VAT1L: variants seen among roughly 807,000 people sequenced by gnomAD.
VAT1L encodes the protein putative NADPH-dependent quinone oxidoreductase VAT1L.
In VAT1L, 34 loss-of-function variants were observed where a neutral mutation model predicts 44.1. The observed-to-expected ratio is 0.77, with a 90% CI of 0.59 to 1.03. The LOEUF is 1.03. Ranked by LOEUF, VAT1L falls within the 50% of genes least tolerant of loss-of-function variation. The pLI is 0.00. For synonymous variants in VAT1L, 253 were observed against 202.2 expected (o/e 1.25, Z -2.13); for missense variants, 615 against 538.8 (o/e 1.14, Z -1.40).
intron 7 of VAT1L, among the ~76,000 whole-genome samples, chr16:77,949,067 G>T (rs1219574239): frequency 6.6e-6 from 1 of 152,216 alleles, no homozygotes; most frequent in African/African-American, 2.4e-5. Context: ...AATCATGACT[G>T]TGGCAGCAGG....
chr16:77,977,130 T>A (rs2018349778), intron 8 of VAT1L, among the ~76,000 whole-genome samples: 1 of 152,126 alleles, frequency 6.6e-6, no homozygotes, highest in South Asian at 2.1e-4. Flanking sequence ...TGCTTGAGTT[T>A]TGCACAGAAA....
At chr16:77,941,625 A>C (rs1222600030) in intron 7 of VAT1L, among the ~76,000 whole-genome samples, 3 of 151,968 alleles carry the variant, frequency 2.0e-5, no homozygotes, top group Non-Finnish European at 4.4e-5. Context: ...TGCTCTTGTC[A>C]CCCAGGCTGG....
intron 1 of VAT1L, among the ~76,000 whole-genome samples, chr16:77,809,763 G>A (rs1383761861): frequency 3.3e-5 from 5 of 152,196 alleles, no homozygotes; most frequent in Admixed American, 2.6e-4. Context: ...TGACTTCAAG[G>A]TGTCTTGGAA....
At chr16:77,827,469 A>C (rs1219767969) in intron 3 of VAT1L, among the ~76,000 whole-genome samples, 1 of 152,268 alleles carries the variant, frequency 6.6e-6, no homozygotes, top group Non-Finnish European at 1.5e-5. Context: ...GAAAATAAAA[A>C]GAAGTTTTTA....
intron 7 of VAT1L, among the ~76,000 whole-genome samples, chr16:77,944,414 A>C (rs1196765460): frequency 6.6e-6 from 1 of 152,228 alleles, no homozygotes. Flanking sequence ...TGTTAAAGCA[A>C]TAAATGACCG....
intron 7 of VAT1L, among the ~76,000 whole-genome samples, chr16:77,913,515 A>AC (rs72268015): frequency 1.3e-5 from 2 of 150,208 alleles, no homozygotes; most frequent in African/African-American, 2.5e-5. Context: ...TGATACAGAG[A>AC]CCCCCCTCCC....
intron 7 of VAT1L, among the ~76,000 whole-genome samples, chr16:77,921,275 C>T (rs748040717): frequency 3.9e-5 from 6 of 152,194 alleles, no homozygotes; most frequent in Non-Finnish European, 7.3e-5. Flanking sequence ...TCTGACTCCT[C>T]ATGGAATTGC....
intron 3 of VAT1L, among the ~76,000 whole-genome samples, chr16:77,836,964 C>T (rs1172317994): frequency 6.6e-6 from 1 of 152,184 alleles, no homozygotes; most frequent in Non-Finnish European, 1.5e-5. Context: ...GATACTATCG[C>T]ACCTCATTTT....
intron 5 of VAT1L, among the ~76,000 whole-genome samples, chr16:77,877,945 G>A (rs1459107456): frequency 6.6e-6 from 1 of 152,208 alleles, no homozygotes; most frequent in Non-Finnish European, 1.5e-5. Flanking sequence ...ACGTTGCAAG[G>A]ATATCGGATA....
chr16:77,909,212 G>A (rs2017472573), intron 7 of VAT1L, among the ~76,000 whole-genome samples: 2 of 152,190 alleles, frequency 1.3e-5, no homozygotes, highest in African/African-American at 4.8e-5. Context: ...AAGTCACACA[G>A]TAAGACATGA....
In VAT1L at chr16:77,788,770, G is replaced by A. The variant is rs1259426717; in HGVS notation, c.88G>A (p.Gly30Ser). ...CAAGGAGCCGGCGGAGGGCGGCGGC[G>A]GCGACGGCTCGCACCGCCTCGGGGA... ...AGKEPAEGGG[G>S]DGSHRLGDAQ... Residue 30 changes from glycine (G) to serine (S), a missense_variant, in exon 1 of 9, where the codon GGC (glycine) becomes AGC (serine). Transcript: ENST00000302536. 5.8e-6 allele frequency: 9 copies of A among 1,563,390 alleles called. No individual in the cohort carries two copies. In the Admixed American group the frequency reaches 1.2e-4, roughly 20 times the overall value.
intron 1 of VAT1L, 152 bp downstream of exon 1, chr16:77,789,067 C>G (rs2145198646): frequency 2.0e-6 from 2 of 977,740 alleles, no homozygotes; most frequent in Non-Finnish European, 2.9e-6. Flanking sequence ...CTCCCCGGGC[C>G]AAAGCTGGGG....
At position 77,884,995 on chromosome 16, in the gene VAT1L, G is replaced by C. The variant is rs950030645; in HGVS notation, c.1077+193G>C. Reference sequence around the variant, plus strand: ...AATACTTTAAGCTCTTTGGTGATTTGCAAACCACGTGCCTCATCACACCAT... The same window carrying C: ...AATACTTTAAGCTCTTTGGTGATTTCCAAACCACGTGCCTCATCACACCAT... On this transcript the variant is annotated intron_variant, in intron 7 of 8. Transcript: ENST00000302536. The surrounding 1 kb of genome is among the most constrained non-coding windows in gnomAD (Gnocchi z 4.5). 6.6e-6 allele frequency among the ~76,000 whole-genome samples: 1 copy of C among 152,196 alleles called. No individual in the cohort carries two copies. Among genetic ancestry groups the C allele is most frequent in the Non-Finnish European group, 1.5e-5 (1 of 68,046 alleles).
intron 1 of VAT1L, among the ~76,000 whole-genome samples, chr16:77,790,277 C>A (rs2966073): frequency 0.92 from 139,314 of 152,212 alleles, 63,797 homozygotes; most frequent in East Asian, 0.99. Flanking sequence ...TGGGGAATTC[C>A]GGGTAAGGGA....
rs369912701 is a variant in VAT1L at position 77,876,485 on chromosome 16, A to G, written c.826+12A>G. 12 of 1,612,374 alleles carry G rather than the reference A, an allele frequency of 7.4e-6. No individual in the cohort carries two copies. The African/African-American group carries it at 1.6e-4, about 22-fold the overall frequency. On this transcript the variant is annotated intron_variant, in intron 5 of 8. Coordinates refer to ENST00000302536, the MANE Select transcript of VAT1L (RefSeq NM_020927.3). Reference sequence around the variant, plus strand: ...CTACATTTTATATGGTGAGTGCAAAACAGCAGCAGGGACGTGGTCAGCAAT... The same window carrying G: ...CTACATTTTATATGGTGAGTGCAAAGCAGCAGCAGGGACGTGGTCAGCAAT...
chr16:77,860,495 T>C (rs1018001152), intron 3 of VAT1L, among the ~76,000 whole-genome samples: 44 of 152,072 alleles, frequency 2.9e-4, no homozygotes, highest in African/African-American at 9.7e-4. Context: ...ATTTGAAAAA[T>C]AGTTGAATGA....
chr16:77,931,247 G>A (rs541521055), intron 7 of VAT1L, among the ~76,000 whole-genome samples: 2 of 152,242 alleles, frequency 1.3e-5, no homozygotes, highest in South Asian at 2.1e-4. Context: ...ATAAAATGAC[G>A]TCAGCACCCT....
chr16:77,863,879 C>T (rs1286221393), intron 4 of VAT1L, among the ~76,000 whole-genome samples: 1 of 152,082 alleles, frequency 6.6e-6, no homozygotes, highest in Non-Finnish European at 1.5e-5. Context: ...CTGGGTGTGA[C>T]CAAGAGCCAC....
rs1261085737 is a variant in VAT1L, at chr16:77,978,764, A to C, written c.*1069A>C. 6.6e-6 allele frequency: 1 copy of C among 152,168 alleles called. No homozygotes were observed. The highest frequency in any genetic ancestry group is 2.4e-5 in the African/African-American group (1 of 41,440). 9.4% of individuals were successfully genotyped at this position (152,168 alleles called of 1,614,324 possible). On this transcript the variant is annotated 3_prime_UTR_variant, in exon 9 of 9. Transcript: ENST00000302536. ...CTCCCATATATAAACCCCGGTGTAG[A>C]ATCTGCAGCGCCCTGCTCTTCGGAA... is the stretch of plus-strand genomic sequence containing the variant.
Sources: allele counts gnomAD v4.1 joint callset (sites outside exome capture counted in the v4.1 genomes callset), GRCh38; gene constraint gnomAD v4.1.1; non-coding constraint Gnocchi (gnomAD v3.1); transcripts MANE v1.5; gene names NCBI Gene and HGNC (gene_info 2026-07-23, HGNC 2026-07-21).